The following PTPRT variants were observed in gnomAD, a reference collection of about 807,000 sequenced individuals.
The protein encoded by PTPRT is protein tyrosine phosphatase receptor type T, also known as receptor-type tyrosine-protein phosphatase T.
In PTPRT, 56 loss-of-function variants were observed where a neutral mutation model predicts 176.8. That is an observed-to-expected ratio of 0.32 (90% confidence interval 0.26 to 0.40). PTPRT has a LOEUF of 0.40. PTPRT is among the 10% of genes least tolerant of loss of function. The probability of loss-of-function intolerance (pLI) is 1.00; values close to 1 mark genes in which losing one functional copy is unlikely to be tolerated. For missense variants in PTPRT, 1,540 were observed against 1,908.2 expected, an observed-to-expected ratio of 0.81 and a Z score of 3.60; for synonymous variants, 783 against 739.0, an observed-to-expected ratio of 1.06 and a Z score of -0.96.
At chr20:42,819,069 C>T (rs915552991) in intron 2 of PTPRT, among the ~76,000 whole-genome samples, 6 of 152,064 alleles carry the variant, frequency 3.9e-5, no homozygotes, top group Admixed American at 6.5e-5. Flanking sequence ...AGATACTCTC[C>T]AACAAGATCA....
At chr20:42,521,668 A>G (rs968136971) in intron 7 of PTPRT, among the ~76,000 whole-genome samples, 2 of 152,234 alleles carry the variant, frequency 1.3e-5, no homozygotes, top group African/African-American at 2.4e-5. Flanking sequence ...AGAACCCATT[A>G]GAACAATATT....
intron 14 of PTPRT, among the ~76,000 whole-genome samples, chr20:42,242,103 C>A (rs1194566037): frequency 2.0e-5 from 3 of 152,132 alleles, no homozygotes; most frequent in East Asian, 3.9e-4. Context: ...GATTGTCTAC[C>A]CAGAAACAAA....
intron 2 of PTPRT, among the ~76,000 whole-genome samples, chr20:42,837,418 T>G (rs2145714353): frequency 6.6e-6 from 1 of 152,304 alleles, no homozygotes; most frequent in Middle Eastern, 3.4e-3. Context: ...TTGTGACACC[T>G]GCCCTAGTCC....
At chr20:42,179,469 G>A (rs1249698251) in intron 16 of PTPRT, among the ~76,000 whole-genome samples, 1 of 152,096 alleles carries the variant, frequency 6.6e-6, no homozygotes, top group East Asian at 1.9e-4. Flanking sequence ...ATTGCTTTAC[G>A]CAGATAAAAA....
intron 15 of PTPRT, among the ~76,000 whole-genome samples, chr20:42,226,104 T>A (rs2056004172): frequency 6.6e-6 from 1 of 152,246 alleles, no homozygotes; most frequent in Non-Finnish European, 1.5e-5. Context: ...CATGCACTTG[T>A]AACATTATTT....
At chr20:42,354,619 T>A in intron 9 of PTPRT, among the ~76,000 whole-genome samples, 1 of 152,132 alleles carries the variant, frequency 6.6e-6, no homozygotes, top group Non-Finnish European at 1.5e-5. Flanking sequence ...CCAACTGAAT[T>A]CAAGTCAGGC....
intron 1 of PTPRT, among the ~76,000 whole-genome samples, chr20:43,160,048 C>T (rs902897847): frequency 6.6e-6 from 1 of 152,000 alleles, no homozygotes; most frequent in African/African-American, 2.4e-5. Context: ...ACTCAAAAGG[C>T]CCCTGCAGGA....
chr20:42,765,109 C>G (rs2145436864), intron 5 of PTPRT, among the ~76,000 whole-genome samples: 1 of 152,086 alleles, frequency 6.6e-6, no homozygotes, highest in South Asian at 2.1e-4. Context: ...TGCAATTTGT[C>G]TGAAAACATA....
At chr20:42,625,604 C>T (rs1204909382) in intron 7 of PTPRT, among the ~76,000 whole-genome samples, 1 of 151,962 alleles carries the variant, frequency 6.6e-6, no homozygotes, top group African/African-American at 2.4e-5. Flanking sequence ...ACATCTCAAT[C>T]TCAGAACACC....
At chr20:42,701,053 T>TC (rs1028290107) in intron 6 of PTPRT, among the ~76,000 whole-genome samples, 1 of 150,958 alleles carries the variant, frequency 6.6e-6, no homozygotes, top group African/African-American at 2.5e-5. Context: ...AACTTGTGTC[T>TC]GCAACAAGAA....
intron 7 of PTPRT, among the ~76,000 whole-genome samples, chr20:42,668,623 G>A (rs1356083070): frequency 6.6e-6 from 1 of 152,054 alleles, no homozygotes; most frequent in Non-Finnish European, 1.5e-5. Context: ...CAGTGGGAGG[G>A]GAGAGAGGGT....
At chr20:42,484,144 T>G (rs1242250129) in intron 7 of PTPRT, among the ~76,000 whole-genome samples, 1 of 152,198 alleles carries the variant, frequency 6.6e-6, no homozygotes, top group Non-Finnish European at 1.5e-5. Context: ...TGTTTTCCAT[T>G]TTCTAGGCAA....
At chr20:42,204,470 G>A (rs543769989) in intron 15 of PTPRT, among the ~76,000 whole-genome samples, 178 of 152,186 alleles carry the variant, frequency 1.2e-3, no homozygotes, top group Middle Eastern at 0.01. Flanking sequence ...GCCAGCAGGG[G>A]GTACCAAAAG....
intron 7 of PTPRT, among the ~76,000 whole-genome samples, chr20:42,657,233 G>A (rs994671784): frequency 2.6e-5 from 4 of 152,124 alleles, no homozygotes; most frequent in Admixed American, 6.5e-5. Context: ...GTGGAACAGG[G>A]AGTCAATTAA....
chr20:42,191,376 G>C (rs771109827), intron 16 of PTPRT, among the ~76,000 whole-genome samples: 7 of 152,160 alleles, frequency 4.6e-5, no homozygotes, highest in Non-Finnish European at 1.0e-4. Context: ...TAAAACATGA[G>C]TGATATATTT....
intron 3 of PTPRT, among the ~76,000 whole-genome samples, chr20:42,784,216 TG>T (rs1462684333): frequency 1.3e-5 from 2 of 152,154 alleles, no homozygotes; most frequent in Non-Finnish European, 2.9e-5. Context: ...TTCCAAAAAA[TG>T]GTTTTTGTTC....
At chr20:43,186,179 A>G (rs2015385592) in intron 1 of PTPRT, among the ~76,000 whole-genome samples, 1 of 152,170 alleles carries the variant, frequency 6.6e-6, no homozygotes, top group African/African-American at 2.4e-5. Context: ...AATTATCCTC[A>G]CTTTACAAAT....
At chr20:42,360,367 C>T (rs1244399202) in intron 9 of PTPRT, among the ~76,000 whole-genome samples, 1 of 152,162 alleles carries the variant, frequency 6.6e-6, no homozygotes, top group Non-Finnish European at 1.5e-5. Context: ...TCACTCTTCC[C>T]AGCTGCCCTA....
chr20:42,149,133 C>T (rs1240735857), intron 17 of PTPRT, among the ~76,000 whole-genome samples: 1 of 152,112 alleles, frequency 6.6e-6, no homozygotes, highest in Non-Finnish European at 1.5e-5. Flanking sequence ...GATCTCTGGC[C>T]AATACATTTC....
Sources: allele counts gnomAD v4.1 joint callset (sites outside exome capture counted in the v4.1 genomes callset), GRCh38; gene constraint gnomAD v4.1.1; transcripts MANE v1.5; gene names NCBI Gene and HGNC (gene_info 2026-07-23, HGNC 2026-07-21).